Variants in RMC1 observed in about 807,000 individuals in gnomAD.
RMC1 encodes the protein regulator of MON1-CCZ1 complex.
Under a neutral mutation model 95.5 loss-of-function variants are expected in RMC1, and 44 were observed. That is an observed-to-expected ratio of 0.46 (90% confidence interval 0.36 to 0.59). The LOEUF is 0.59. Among genes scored for constraint, RMC1 ranks in the 20% least tolerant of loss-of-function variants. The pLI is 0.00. For missense variants in RMC1, 705 were observed against 819.6 expected, an observed-to-expected ratio of 0.86 and a Z score of 1.71; for synonymous variants, 320 against 303.6, an observed-to-expected ratio of 1.05 and a Z score of -0.56.
chr18:23,505,425 G>A (rs973290443), intron 2 of RMC1, among the ~76,000 whole-genome samples: 2 of 152,218 alleles, frequency 1.3e-5, no homozygotes, highest in South Asian at 2.1e-4. Context: ...CTGGGTCTGT[G>A]TAACTGAAGG....
intron 15 of RMC1, 149 bp downstream of exon 15, chr18:23,529,447 G>A: frequency 1.5e-6 from 2 of 1,347,498 alleles, no homozygotes; most frequent in Non-Finnish European, 2.0e-6. Flanking sequence ...CTGGTAGTTT[G>A]GCTTCTAATG....
intron 10 of RMC1, 51 bp downstream of exon 10, chr18:23,520,364 G>T (rs767753613): frequency 1.4e-6 from 2 of 1,412,132 alleles, no homozygotes; most frequent in South Asian, 2.4e-5. Context: ...CCATGTGGCT[G>T]TGTTCTCACC....
At chr18:23,529,535 C>T (rs773699621) in intron 15 of RMC1, 100 bp from the exon 16 acceptor site, 12 of 1,269,956 alleles carry the variant, frequency 9.4e-6, no homozygotes, top group Non-Finnish European at 1.4e-5. Context: ...AACACTGGGC[C>T]ATTTTAAGAT....
At chr18:23,519,463 A>C (rs1318625386) in intron 9 of RMC1, among the ~76,000 whole-genome samples, 3 of 151,890 alleles carry the variant, frequency 2.0e-5, no homozygotes, top group Non-Finnish European at 2.9e-5. Flanking sequence ...GGCTTCAGTG[A>C]GTGGAGATCG....
intron 3 of RMC1, 104 bp downstream of exon 3, chr18:23,507,158 C>A: frequency 1.3e-6 from 1 of 777,396 alleles, no homozygotes; most frequent in South Asian, 1.7e-5. Flanking sequence ...TATTATCTTA[C>A]TGTTGTGAAA....
chr18:23,521,752 T>G (rs1443524391), intron 10 of RMC1, among the ~76,000 whole-genome samples: 1 of 152,018 alleles, frequency 6.6e-6, no homozygotes, highest in Non-Finnish European at 1.5e-5. Context: ...AGGCTAGAAG[T>G]TCAAGATCAA....
chr18:23,528,462 G>A (rs1453733133), intron 14 of RMC1: 1 of 153,554 alleles, frequency 6.5e-6, no homozygotes, highest in Non-Finnish European at 1.4e-5. Flanking sequence ...AGGACAAGGA[G>A]AATGAATTAT....
chr18:23,519,969 T>C (rs1264794444), intron 9 of RMC1, among the ~76,000 whole-genome samples: 1 of 152,176 alleles, frequency 6.6e-6, no homozygotes, highest in Non-Finnish European at 1.5e-5. Context: ...TTGAGTGAGC[T>C]CATCAAAGGA....
At position 23,519,413 on chromosome 18, in the gene RMC1, G is replaced by T. The variant is rs751873745; in HGVS notation, c.849+239G>T. Among the ~76,000 whole-genome samples the T allele has an allele frequency of 3.3e-5, 5 of 152,106 alleles. No individual in the cohort carries two copies. In the South Asian group the frequency reaches 8.3e-4, roughly 25 times the overall value. On this transcript the variant is annotated intron_variant, in intron 9 of 19. Coordinates refer to ENST00000269221, the MANE Select transcript of RMC1 (RefSeq NM_013326.5). Reference sequence around the variant, plus strand: ...CACGCCTATAGTCCCAGCTACTTGTGGGGCTAAGGCTGGAGGATGGCTTGA... The same window carrying T: ...CACGCCTATAGTCCCAGCTACTTGTTGGGCTAAGGCTGGAGGATGGCTTGA...
chr18:23,530,105 C>T lies in RMC1; in HGVS notation c.1572C>T (p.Tyr524=), dbSNP rs1181368047. The T allele has an allele frequency of 6.2e-7, 1 of 1,614,182 alleles. No individual in the cohort carries two copies. The highest frequency in any genetic ancestry group is 2.2e-5 in the East Asian group (1 of 44,888). Residue 524 remains tyrosine, a synonymous_variant, in exon 17 of 20, where the codon TAC becomes TAT. Transcript: ENST00000269221. ...LFYMLHQFLQ[Y]HVLSDSKPLA... ...ATATGCTGCATCAGTTCCTGCAGTA[C>T]CACGTCCTCAGCGACTCCAAACCTT...
chr18:23,504,239 C>G, intron 1 of RMC1, 132 bp from the exon 2 acceptor site: 1 of 734,902 alleles, frequency 1.4e-6, no homozygotes, highest in Non-Finnish European at 2.4e-6. Flanking sequence ...AACATCTGTA[C>G]CTTGATATGT....
rs758649987 is a variant in RMC1 at position 23,519,144 on chromosome 18, C to T, written c.819C>T (p.Asn273=). ...AGTTTGCCCTGAACGTGGTGGACAA[C>T]CTGGTAGTCGTGCATCATCAGGATA... ...TGKFALNVVD[N]LVVVHHQDTE... Residue 273 remains asparagine, a synonymous_variant, in exon 9 of 20, where the codon AAC becomes AAT. Transcript: ENST00000269221. 3 of 1,614,122 alleles carry T rather than the reference C, an allele frequency of 1.9e-6. No individual in the cohort carries two copies. The South Asian group carries it at 3.3e-5, about 18-fold the overall frequency.
intron 3 of RMC1, 55 bp downstream of exon 3, chr18:23,507,109 G>A (rs991479259): frequency 1.2e-5 from 16 of 1,296,526 alleles, no homozygotes; most frequent in Admixed American, 9.3e-5. Context: ...ACATTTGGAA[G>A]AGAAGGAATC....
intron 12 of RMC1, among the ~76,000 whole-genome samples, chr18:23,525,574 G>A (rs1425892782): frequency 5.3e-5 from 8 of 152,076 alleles, no homozygotes; most frequent in Non-Finnish European, 1.0e-4. Flanking sequence ...ACAGGCATGC[G>A]CCACCACACC....
intron 2 of RMC1, among the ~76,000 whole-genome samples, chr18:23,505,802 A>G (rs2057699475): frequency 6.6e-6 from 1 of 151,998 alleles, no homozygotes. Context: ...AAAACGAGTG[A>G]GCCCGTGATA....
rs147154390 is a variant in RMC1, at chr18:23,527,405, A to T, written c.1190-390A>T. On this transcript the variant is annotated intron_variant, in intron 13 of 19. Coordinates refer to ENST00000269221, the MANE Select transcript of RMC1 (RefSeq NM_013326.5). ...AGAGCAAGACCCTGTATCCAAAAAA[A>T]AATAATAATAATAATCCCCTACCAA... 4.4e-3 allele frequency among the ~76,000 whole-genome samples: 663 copies of T among 151,760 alleles called. 3 individuals carry two copies. Among genetic ancestry groups the T allele is most frequent in the African/African-American group, 0.013 (527 of 41,380 alleles).
At chr18:23,524,387 G>C (rs754543959) in intron 11 of RMC1, 42 bp from the exon 12 acceptor site, 39 of 1,609,348 alleles carry the variant, frequency 2.4e-5, no homozygotes, top group Non-Finnish European at 3.1e-5. Context: ...TTTGCTTTTT[G>C]TTTTCATCTT....
At position 23,507,194 on chromosome 18, in the gene RMC1, G is replaced by C; in HGVS notation, c.264+140G>C. 4 of 508,008 alleles carry C rather than the reference G, an allele frequency of 7.9e-6. No individual in the cohort carries two copies. The East Asian group carries it at 1.4e-4, about 18-fold the overall frequency. The allele number at this position is 508,008 out of a possible 1,614,324, so 31.5% of individuals were successfully genotyped here. A position where few individuals can be genotyped will look rare whatever the true frequency, so the allele number is the denominator to read the frequency against. ...GGTATAGTTATGTTGCATTGTATTA[G>C]AGCCTTCAAAAACGAAAAAGACATT... On this transcript the variant is annotated intron_variant, in intron 3 of 19. Coordinates refer to ENST00000269221, the MANE Select transcript of RMC1 (RefSeq NM_013326.5).
chr18:23,529,367 A>T (rs1396115403), intron 15 of RMC1, 69 bp downstream of exon 15: 1 of 1,549,144 alleles, frequency 6.5e-7, no homozygotes. Flanking sequence ...GAAAACGAGG[A>T]GACTTCATGT....
Sources: allele counts gnomAD v4.1 joint callset (sites outside exome capture counted in the v4.1 genomes callset), GRCh38; gene constraint gnomAD v4.1.1; transcripts MANE v1.5; gene names NCBI Gene and HGNC (gene_info 2026-07-23, HGNC 2026-07-21).